NRXN1: variants seen among roughly 807,000 people sequenced by gnomAD.
NRXN1 encodes the protein neurexin 1, also known as neurexin-1.
NRXN1 carries 39 observed loss-of-function variants against 150.9 expected under a neutral mutation model. That is an observed-to-expected ratio of 0.26 (90% CI 0.20 to 0.34). The LOEUF is 0.34. Among genes scored for constraint, NRXN1 ranks in the 10% least tolerant of loss-of-function variants. NRXN1 has a pLI of 1.00. For synonymous variants in NRXN1, 924 were observed against 757.0 expected, an observed-to-expected ratio of 1.22 and a Z score of -3.62; for missense variants, 1,815 against 1,949.9, an observed-to-expected ratio of 0.93 and a Z score of 1.30.
intron 17 of NRXN1, among the ~76,000 whole-genome samples, chr2:50,313,068 A>C (rs560065580): frequency 6.6e-6 from 1 of 152,186 alleles, no homozygotes; most frequent in East Asian, 1.9e-4. Context: ...ACAAAAAATA[A>C]ATCAAGAAGA....
At chr2:50,761,284 T>G (rs914134702) in intron 5 of NRXN1, among the ~76,000 whole-genome samples, 1 of 151,942 alleles carries the variant, frequency 6.6e-6, no homozygotes, top group African/African-American at 2.4e-5. Context: ...TCATCTTGAA[T>G]TATACCTCCC....
At chr2:50,836,489 C>T (rs976442749) in intron 5 of NRXN1, among the ~76,000 whole-genome samples, 2 of 151,990 alleles carry the variant, frequency 1.3e-5, no homozygotes, top group African/African-American at 4.8e-5. Flanking sequence ...CAACTCCCCA[C>T]CTCCAGCCTC....
intron 8 of NRXN1, chr2:50,619,670 A>G (rs1679642800): frequency 2.6e-6 from 1 of 384,858 alleles, no homozygotes; most frequent in Non-Finnish European, 4.6e-6. Context: ...TCATCACTGT[A>G]TGCATAACAC....
At chr2:50,083,730 G>C (rs1002295866) in intron 19 of NRXN1, among the ~76,000 whole-genome samples, 5 of 152,158 alleles carry the variant, frequency 3.3e-5, no homozygotes, top group Non-Finnish European at 7.3e-5. Context: ...GGTCCGTTTT[G>C]AGAGGGTGCT....
intron 17 of NRXN1, among the ~76,000 whole-genome samples, chr2:50,424,134 G>GGAC (rs1235951900): frequency 1.5e-5 from 2 of 130,624 alleles, no homozygotes; most frequent in African/African-American, 5.9e-5. Context: ...AGGCGGAGGA[G>GGAC]GAGGAGGAGG....
intron 18 of NRXN1, among the ~76,000 whole-genome samples, chr2:50,101,545 T>A (rs775557897): frequency 2.0e-5 from 3 of 151,990 alleles, no homozygotes; most frequent in Non-Finnish European, 4.4e-5. Context: ...AGACAGAACA[T>A]CCTTGGATTG....
chr2:50,976,096 C>T (rs1695777814), intron 2 of NRXN1, among the ~76,000 whole-genome samples: 1 of 151,954 alleles, frequency 6.6e-6, no homozygotes, highest in Non-Finnish European at 1.5e-5. Flanking sequence ...TGTAGACTCC[C>T]TATTTTCTGA....
At chr2:50,311,332 G>A (rs2075163354) in intron 17 of NRXN1, among the ~76,000 whole-genome samples, 1 of 152,070 alleles carries the variant, frequency 6.6e-6, no homozygotes, top group African/African-American at 2.4e-5. Flanking sequence ...TTTCCAACAG[G>A]TAATTTTGGA....
chr2:51,000,921 C>G (rs116269290), intron 2 of NRXN1, among the ~76,000 whole-genome samples: 2,809 of 151,934 alleles, frequency 0.018, 91 homozygotes, highest in African/African-American at 0.065. Flanking sequence ...CCATGTCAGA[C>G]ACATGCCTGG....
At chr2:50,948,136 A>C (rs1690704085) in intron 2 of NRXN1, among the ~76,000 whole-genome samples, 1 of 152,146 alleles carries the variant, frequency 6.6e-6, no homozygotes, top group East Asian at 1.9e-4. Flanking sequence ...AATAAAAAAT[A>C]AAAGCCATTT....
intron 5 of NRXN1, among the ~76,000 whole-genome samples, chr2:50,658,438 G>GTGTGTGTGTGTGTGTGTT (rs1206149548): frequency 2.0e-5 from 3 of 151,652 alleles, no homozygotes; most frequent in African/African-American, 7.3e-5. Context: ...GTGTGTGTGT[G>GTGTGTGTGTGTGTGTGTT]TTTGAGGCAG....
intron 5 of NRXN1, among the ~76,000 whole-genome samples, chr2:50,763,497 C>T (rs1157079842): frequency 1.3e-5 from 2 of 151,844 alleles, no homozygotes; most frequent in Admixed American, 1.3e-4. Flanking sequence ...CTTCTTCCCC[C>T]TCCTTCAAAT....
intron 5 of NRXN1, among the ~76,000 whole-genome samples, chr2:50,728,030 T>C (rs1044574652): frequency 6.6e-6 from 1 of 152,168 alleles, no homozygotes; most frequent in South Asian, 2.1e-4. Context: ...AGAATCTGTA[T>C]CATTATTTAA....
intron 16 of NRXN1, among the ~76,000 whole-genome samples, chr2:50,469,281 G>A (rs1257894378): frequency 1.3e-5 from 2 of 151,554 alleles, no homozygotes; most frequent in Admixed American, 6.6e-5. Flanking sequence ...GTTAAAATCC[G>A]TACTCTAGCT....
At chr2:50,849,153 G>A (rs1674132533) in intron 5 of NRXN1, among the ~76,000 whole-genome samples, 1 of 132,908 alleles carries the variant, frequency 7.5e-6, no homozygotes, top group Non-Finnish European at 1.8e-5. Context: ...TATATATCCT[G>A]AACTACGTAA....
chr2:50,772,385 G>C (rs1445811168), intron 5 of NRXN1, among the ~76,000 whole-genome samples: 3 of 151,070 alleles, frequency 2.0e-5, no homozygotes, highest in African/African-American at 7.3e-5. Context: ...GTGCTATAAA[G>C]ATTAAAATAA....
At chr2:50,639,668 C>T (rs1027123325) in intron 5 of NRXN1, among the ~76,000 whole-genome samples, 3 of 151,960 alleles carry the variant, frequency 2.0e-5, no homozygotes, top group African/African-American at 7.2e-5. Flanking sequence ...TCCTAGATAC[C>T]TAATTTTATA....
intron 17 of NRXN1, among the ~76,000 whole-genome samples, chr2:50,328,030 T>C (rs2076504393): frequency 6.7e-6 from 1 of 149,738 alleles, no homozygotes; most frequent in Non-Finnish European, 1.5e-5. Context: ...CCTCGTAGGA[T>C]TTTTTGCTTG....
At chr2:50,545,893 TCTAAA>T (rs2093481856) in intron 9 of NRXN1, among the ~76,000 whole-genome samples, 1 of 152,128 alleles carries the variant, frequency 6.6e-6, no homozygotes. Flanking sequence ...TTAAATCATC[TCTAAA>T]CTACTTATAT....
Sources: gnomAD v4.1 joint callset for allele counts (sites outside exome capture counted in the v4.1 genomes callset) on GRCh38, gnomAD v4.1.1 for gene constraint, MANE v1.5 for transcripts, NCBI Gene and HGNC (gene_info 2026-07-23, HGNC 2026-07-21) for gene names.